Variants in VASP observed in about 807,000 individuals in gnomAD.
VASP encodes vasodilator-stimulated phosphoprotein.
VASP carries 27 observed loss-of-function variants against 54.4 expected under a neutral mutation model. That is an observed-to-expected ratio of 0.50 (90% confidence interval 0.37 to 0.68). The LOEUF (loss-of-function observed/expected upper bound fraction) is 0.68, where lower values mean the gene tolerates loss of function less well. VASP is among the 30% of genes least tolerant of loss of function. The pLI, the probability that VASP is intolerant of heterozygous loss-of-function variation, is 0.00. For synonymous variants in VASP, 233 were observed against 209.8 expected (o/e 1.11, Z -0.96); for missense variants, 488 against 528.3 (o/e 0.92, Z 0.75).
Position 45,524,130 on chromosome 19 carries a change from C to T in VASP, c.944C>T (p.Thr315Ile). 6.2e-7 allele frequency: 1 copy of T among 1,613,722 alleles called. No homozygotes were observed. The highest frequency in any genetic ancestry group is 8.5e-7 in the Non-Finnish European group (1 of 1,180,022). ...SVRRPWEKNS[T>I]TLPRMKSSSS... Reference sequence around the variant, plus strand: ...CGGAGACCCTGGGAGAAGAACAGCACAACCTTGCCAAGGTAGGCCATCGGT... The same window carrying T: ...CGGAGACCCTGGGAGAAGAACAGCATAACCTTGCCAAGGTAGGCCATCGGT... Residue 315 changes from threonine to isoleucine, a missense_variant, in exon 10 of 13, where the codon ACA (threonine) becomes ATA (isoleucine). By Grantham distance (89) the Thr-to-Ile change is moderately conservative. Around this residue, in one of 4 missense-constraint regions of VASP, gnomAD observed 126 missense variants for 134.8 expected, o/e 0.94. Transcript: ENST00000245932.
Position 45,517,841 on chromosome 19 carries a change from C to A in VASP, c.177+7C>A. On this transcript the variant is annotated splice_region_variant and intron_variant, in intron 2 of 12. Transcript: ENST00000245932. ...GATGCAGCCCGACCAGCAGGTGCAGCTTCCCGCCGGCCCCCTCTGTGGGCT... is the reference window on the plus strand; with the variant it reads ...GATGCAGCCCGACCAGCAGGTGCAGATTCCCGCCGGCCCCCTCTGTGGGCT... The A allele has an allele frequency of 6.2e-7, 1 of 1,611,980 alleles. No homozygotes were observed.
At position 45,507,586 on chromosome 19, in the gene VASP, G is replaced by T. The variant is rs2122268656; in HGVS notation, c.-186G>T. On this transcript the variant is annotated 5_prime_UTR_variant, in exon 1 of 13. Transcript: ENST00000245932. The surrounding 1 kb of genome is among the most constrained non-coding windows in gnomAD (Gnocchi z 4.4). ...GGAACCTCTCATCAGACCGCCTGAG[G>T]GAAGCGGCGCCCGGAGACCCGCCCC... 1 of 626,332 alleles carries T rather than the reference G, an allele frequency of 1.6e-6. No homozygotes were observed. The highest frequency in any genetic ancestry group is 3.4e-5 in the East Asian group (1 of 29,086). 38.8% of individuals were successfully genotyped at this position (626,332 alleles called of 1,614,324 possible). A position where few individuals can be genotyped will look rare whatever the true frequency, so the allele number is the denominator to read the frequency against.
intron 11 of VASP, chr19:45,525,713 G>T: frequency 2.3e-6 from 1 of 435,148 alleles, no homozygotes; most frequent in South Asian, 3.5e-5. Context: ...AAAAGAAAAA[G>T]AAAAAGTTAC....
intron 1 of VASP, among the ~76,000 whole-genome samples, chr19:45,510,576 C>T (rs140642190): frequency 2.6e-4 from 40 of 152,072 alleles, no homozygotes; most frequent in Non-Finnish European, 1.0e-4. Flanking sequence ...GGCCTCCCCA[C>T]CCCGGTACTC....
At position 45,507,860 on chromosome 19, in the gene VASP, C is replaced by T. The variant is rs983083433; in HGVS notation, c.5+84C>T. ...TGTCCCCCTCCCCCCCAGCTAGCTC[C>T]GGGCTGGAATTTGGGGACAGATCCT... is the stretch of plus-strand genomic sequence containing the variant. On this transcript the variant is annotated intron_variant, in intron 1 of 12. Transcript: ENST00000245932. The surrounding 1 kb of genome is among the most constrained non-coding windows in gnomAD (Gnocchi z 4.4). 1.6e-4 allele frequency: 144 copies of T among 881,332 alleles called. No homozygotes were observed. The highest frequency in any genetic ancestry group is 8.8e-4 in the Admixed American group (21 of 23,800). The allele number at this position is 881,332 out of a possible 1,614,324, so 54.6% of individuals were successfully genotyped here. A position where few individuals can be genotyped will look rare whatever the true frequency, so the allele number is the denominator to read the frequency against.
chr19:45,511,839 G>A (rs1968605327), intron 1 of VASP, among the ~76,000 whole-genome samples: 1 of 152,342 alleles, frequency 6.6e-6, no homozygotes, highest in Admixed American at 6.5e-5. Flanking sequence ...GCTTATGCCT[G>A]TAATCCCAGC....
intron 1 of VASP, among the ~76,000 whole-genome samples, chr19:45,511,653 C>T (rs968461391): frequency 1.3e-5 from 2 of 152,090 alleles, no homozygotes; most frequent in African/African-American, 4.8e-5. Flanking sequence ...CCCCCGCACC[C>T]CCGTTTTATG....
chr19:45,525,922 TTAG>T (rs1371289918), intron 11 of VASP, 21 bp from the exon 12 acceptor site: 1 of 1,602,550 alleles, frequency 6.2e-7, no homozygotes, highest in African/African-American at 1.4e-5. Context: ...CCCCTCCTGA[TTAG>T]TTTTACCCCA....
In VASP at chr19:45,524,109, G is replaced by T. The variant is rs922197974; in HGVS notation, c.923G>T (p.Arg308Ile). The T allele has an allele frequency of 6.2e-6, 10 of 1,613,852 alleles. No homozygotes were observed. Among genetic ancestry groups the T allele is most frequent in the Non-Finnish European group, 6.8e-6 (8 of 1,180,030 alleles). Residue 308 changes from arginine to isoleucine, a missense_variant, in exon 10 of 13, where the codon AGA (arginine) becomes ATA (isoleucine). Coordinates refer to ENST00000245932, the MANE Select transcript of VASP (RefSeq NM_003370.4). Reference protein sequence around the residue: ...RVPAQSESVRRPWEKNSTTLP... With the variant: ...RVPAQSESVRIPWEKNSTTLP... ...TGCCTATCCCCAGAATCTGTGCGGA[G>T]ACCCTGGGAGAAGAACAGCACAACC...
intron 1 of VASP, among the ~76,000 whole-genome samples, chr19:45,512,018 C>T (rs1458780105): frequency 6.6e-6 from 1 of 152,056 alleles, no homozygotes; most frequent in Non-Finnish European, 1.5e-5. Flanking sequence ...GCAGGAGAAT[C>T]GCTTGAACTC....
rs769917872 is a variant in VASP at position 45,522,163 on chromosome 19, C to T, written c.429-5C>T. On this transcript the variant is annotated splice_region_variant and splice_polypyrimidine_tract_variant and intron_variant, in intron 4 of 12. Transcript: ENST00000245932. The stretch of plus-strand genomic sequence containing the variant: ...TGACGGCAGCTCTCTCGCCTCCCCC[C>T]ACAGGCAGCAGCCCGGCCCGTCGGA... 13 of 1,613,706 alleles carry T rather than the reference C, an allele frequency of 8.1e-6. No homozygotes were observed. In the Admixed American group the frequency reaches 1.7e-4, roughly 21 times the overall value.
chr19:45,517,303 C>G (rs1438277931), intron 1 of VASP, among the ~76,000 whole-genome samples: 1 of 151,970 alleles, frequency 6.6e-6, no homozygotes, highest in Non-Finnish European at 1.5e-5. Flanking sequence ...ATCTTTATCT[C>G]TTTCTGTGTC....
At chr19:45,512,187 A>G (rs1020681482) in intron 1 of VASP, among the ~76,000 whole-genome samples, 1 of 152,164 alleles carries the variant, frequency 6.6e-6, no homozygotes, top group African/African-American at 2.4e-5. Flanking sequence ...TTCCCTCCCC[A>G]GTTCCTGAGT....
In VASP at chr19:45,526,495, T is replaced by G; in HGVS notation, c.*318T>G. 1.1e-5 allele frequency: 3 copies of G among 267,940 alleles called. No individual in the cohort carries two copies. Among genetic ancestry groups the G allele is most frequent in the Non-Finnish European group, 1.4e-5 (2 of 142,738 alleles). 16.6% of individuals were successfully genotyped at this position (267,940 alleles called of 1,614,324 possible). ...GGGGAAGGAAGGAGGGAATTTCACA[T>G]TCCCTTGTTCTAGATTCACTTTAAC... On this transcript the variant is annotated 3_prime_UTR_variant, in exon 13 of 13. Coordinates refer to ENST00000245932, the MANE Select transcript of VASP (RefSeq NM_003370.4).
In VASP at chr19:45,526,835, G is replaced by A. The variant is rs1968982780; in HGVS notation, c.*658G>A. 1 of 152,012 alleles carries A rather than the reference G, an allele frequency of 6.6e-6. No homozygotes were observed. The highest frequency in any genetic ancestry group is 6.6e-5 in the Admixed American group (1 of 15,240). 9.4% of individuals were successfully genotyped at this position (152,012 alleles called of 1,614,324 possible). The stretch of plus-strand genomic sequence containing the variant: ...AGTTTTTTGATTTTTTATTTGGGTA[G>A]GTTTTGGGGTCCAGGCCATTTTTTT... On this transcript the variant is annotated 3_prime_UTR_variant, in exon 13 of 13. Coordinates refer to ENST00000245932, the MANE Select transcript of VASP (RefSeq NM_003370.4).
At chr19:45,525,820 G>A in intron 11 of VASP, 126 bp from the exon 12 acceptor site, 1 of 898,000 alleles carries the variant, frequency 1.1e-6, no homozygotes, top group Non-Finnish European at 1.7e-6. Flanking sequence ...AATGAGCTGT[G>A]ATCATGCCAT....
intron 3 of VASP, 67 bp from the exon 4 acceptor site, chr19:45,521,255 A>G: frequency 6.8e-7 from 1 of 1,460,594 alleles, no homozygotes; most frequent in Non-Finnish European, 9.4e-7. Flanking sequence ...TGGGAGAGCA[A>G]GGGAAGCGCC....
At chr19:45,508,285 A>C (rs1375905180) in intron 1 of VASP, among the ~76,000 whole-genome samples, 2 of 152,208 alleles carry the variant, frequency 1.3e-5, no homozygotes, top group African/African-American at 4.8e-5. Context: ...ACCGCGCTCC[A>C]TAACTTCGGG....
intron 4 of VASP, among the ~76,000 whole-genome samples, chr19:45,521,864 G>A (rs752216615): frequency 6.6e-6 from 1 of 151,836 alleles, no homozygotes; most frequent in Non-Finnish European, 1.5e-5. Context: ...ACTCCAGCCT[G>A]GGTGACAGAG....
Sources: gnomAD v4.1 joint callset for allele counts (sites outside exome capture counted in the v4.1 genomes callset) on GRCh38, gnomAD v4.1.1 for gene constraint, gnomAD v4.1.1 regional missense constraint, Gnocchi (gnomAD v3.1) non-coding constraint, MANE v1.5 for transcripts, NCBI Gene and HGNC (gene_info 2026-07-23, HGNC 2026-07-21) for gene names.